BLK: variants seen among roughly 807,000 people sequenced by gnomAD.
BLK encodes tyrosine-protein kinase Blk.
BLK carries 64 observed loss-of-function variants against 61.8 expected under a neutral mutation model. The ratio of observed to expected loss-of-function variants is 1.03; its 90% CI spans 0.85 to 1.27. The LOEUF is 1.27. Ranked by LOEUF, BLK falls within the 50% of genes most tolerant of loss-of-function variation. The pLI is 0.00. For synonymous variants in BLK, 351 were observed against 272.0 expected, an observed-to-expected ratio of 1.29 and a Z score of -2.86; for missense variants, 853 against 660.5, an observed-to-expected ratio of 1.29 and a Z score of -3.19.
rs745828195 is a variant in BLK at position 11,564,401 on chromosome 8, G to T, written c.*293G>T. 1.6e-6 allele frequency: 1 copy of T among 642,150 alleles called. No homozygotes were observed. Among genetic ancestry groups the T allele is most frequent in the South Asian group, 1.5e-5 (1 of 66,258 alleles). 39.8% of individuals were successfully genotyped at this position (642,150 alleles called of 1,614,324 possible). A position where few individuals can be genotyped will look rare whatever the true frequency, so the allele number is the denominator to read the frequency against. On this transcript the variant is annotated 3_prime_UTR_variant, in exon 13 of 13. Transcript: ENST00000259089. ...CCAGTAAGGTGTTCAGGACTGGTAA[G>T]CGACTGTCATCAAGTAAGGCCCCCG...
Position 11,549,190 on chromosome 8 carries a change from G to C in BLK, c.368+68G>C, listed in dbSNP as rs576094284. On this transcript the variant is annotated intron_variant, in intron 5 of 12. Coordinates refer to ENST00000259089, the MANE Select transcript of BLK (RefSeq NM_001715.3). The stretch of plus-strand genomic sequence containing the variant: ...CTGTTTCTGCTCCCTGGGCTGTTAG[G>C]CAGGGCAGGGCCAGAGTGGGACTGA... 2.1e-6 allele frequency: 3 copies of C among 1,397,218 alleles called. No homozygotes were observed. The East Asian group carries it at 7.4e-5, about 34-fold the overall frequency. The allele number at this position is 1,397,218 out of a possible 1,614,324, so 86.6% of individuals were successfully genotyped here.
At chr8:11,536,281 A>G (rs916997539) in intron 1 of BLK, among the ~76,000 whole-genome samples, 4 of 152,258 alleles carry the variant, frequency 2.6e-5, no homozygotes, top group Non-Finnish European at 5.9e-5. Flanking sequence ...TCATTCATTT[A>G]GAGGAAATAA....
intron 1 of BLK, among the ~76,000 whole-genome samples, chr8:11,523,842 T>G (rs947012965): frequency 1.4e-5 from 2 of 147,202 alleles, no homozygotes; most frequent in Non-Finnish European, 3.0e-5. Context: ...CAGAGTTGTT[T>G]TTTTTTTTTT....
intron 3 of BLK, 89 bp downstream of exon 3, chr8:11,546,192 G>A: frequency 2.0e-6 from 3 of 1,466,314 alleles, no homozygotes; most frequent in Non-Finnish European, 2.9e-6. Flanking sequence ...TGAGTCAGGA[G>A]CAGCTTGAGG....
At chr8:11,514,095 A>C (rs1469455700) in intron 1 of BLK, among the ~76,000 whole-genome samples, 6 of 152,192 alleles carry the variant, frequency 3.9e-5, no homozygotes, top group Non-Finnish European at 7.3e-5. Flanking sequence ...ACAAGGAACC[A>C]TTCTGTTTTG....
intron 1 of BLK, among the ~76,000 whole-genome samples, chr8:11,537,481 A>G (rs1400614181): frequency 3.3e-5 from 5 of 152,192 alleles, no homozygotes; most frequent in Non-Finnish European, 7.3e-5. Context: ...CAGATACAAA[A>G]TAGCAAAACT....
In BLK at chr8:11,532,149, G is replaced by A. The variant is rs180783125; in HGVS notation, c.-1-11075G>A. Among the ~76,000 whole-genome samples the A allele has an allele frequency of 1.6e-3, 230 of 146,480 alleles. 1 individual carries two copies. The highest frequency in any genetic ancestry group is 2.5e-3 in the Non-Finnish European group (166 of 66,672). On this transcript the variant is annotated intron_variant, in intron 1 of 12. Coordinates refer to ENST00000259089, the MANE Select transcript of BLK (RefSeq NM_001715.3). ...GCTGGGATTACAGGCATGAGCCAAT[G>A]TACCTGGTCATGTTTTTTTTTCCTT...
intron 1 of BLK, among the ~76,000 whole-genome samples, chr8:11,508,891 G>T (rs1281904280): frequency 1.3e-5 from 2 of 152,198 alleles, no homozygotes; most frequent in Admixed American, 1.3e-4. Context: ...GCTCGAGGGA[G>T]GTGCCTGCCC....
At chr8:11,543,717 G>C (rs1800493624) in intron 2 of BLK, among the ~76,000 whole-genome samples, 1 of 152,188 alleles carries the variant, frequency 6.6e-6, no homozygotes, top group Non-Finnish European at 1.5e-5. Flanking sequence ...GCATTCCAAA[G>C]AGCCTGCTTT....
intron 1 of BLK, among the ~76,000 whole-genome samples, chr8:11,535,681 G>C (rs1453327975): frequency 6.6e-6 from 1 of 152,194 alleles, no homozygotes; most frequent in Admixed American, 6.5e-5. Context: ...GAATAGGGAT[G>C]CCTGAGCCTC....
At chr8:11,542,694 C>G (rs1238468647) in intron 1 of BLK, among the ~76,000 whole-genome samples, 1 of 152,194 alleles carries the variant, frequency 6.6e-6, no homozygotes, top group Non-Finnish European at 1.5e-5. Context: ...GCCTCGATGC[C>G]TGTGCTATCA....
At position 11,554,787 on chromosome 8, in the gene BLK, C is replaced by G. The variant is rs372898454; in HGVS notation, c.517C>G (p.Leu173Val). The G allele has an allele frequency of 3.1e-6, 5 of 1,613,896 alleles. No homozygotes were observed. The African/African-American group carries it at 6.7e-5, about 22-fold the overall frequency. The part of the protein sequence containing the change: ...SVKDVTTQGE[L>V]IKHYKIRCLD... Reference sequence around the variant, plus strand: ...GAAGGATGTCACCACCCAGGGGGAGCTGATCAAGCACTATAAGATCCGCTG... The same window carrying G: ...GAAGGATGTCACCACCCAGGGGGAGGTGATCAAGCACTATAAGATCCGCTG... The change falls in exon 7 of 13, where the codon CTG becomes GTG. Residue 173 changes from leucine to valine, a missense_variant. Transcript: ENST00000259089.
At chr8:11,559,669 C>T in intron 10 of BLK, 2 of 446,024 alleles carry the variant, frequency 4.5e-6, no homozygotes, top group South Asian at 3.2e-5. Context: ...CCACAGGAAC[C>T]CTGCAATCAC....
intron 1 of BLK, among the ~76,000 whole-genome samples, chr8:11,527,775 TAA>T (rs113320027): frequency 3.5e-4 from 48 of 139,026 alleles, no homozygotes; most frequent in African/African-American, 5.8e-4. Flanking sequence ...AGTCTGGGTG[TAA>T]AAAAAAAAAA....
At chr8:11,528,321 C>T (rs1394162530) in intron 1 of BLK, among the ~76,000 whole-genome samples, 2 of 152,304 alleles carry the variant, frequency 1.3e-5, no homozygotes, top group East Asian at 3.9e-4. Context: ...CAGGCATGAG[C>T]CACTGCACTT....
chr8:11,500,450 C>A (rs1034339649), intron 1 of BLK, among the ~76,000 whole-genome samples: 1 of 152,152 alleles, frequency 6.6e-6, no homozygotes, highest in Admixed American at 6.5e-5. Flanking sequence ...CCTGCCTTGG[C>A]CTCCCAAAGT....
chr8:11,513,437 G>C (rs1032358162), intron 1 of BLK, among the ~76,000 whole-genome samples: 1 of 152,196 alleles, frequency 6.6e-6, no homozygotes, highest in Non-Finnish European at 1.5e-5. Flanking sequence ...TAGGGCATGA[G>C]AGTGCCAGGG....
intron 1 of BLK, among the ~76,000 whole-genome samples, chr8:11,511,958 C>T (rs911578368): frequency 3.9e-5 from 6 of 152,052 alleles, no homozygotes; most frequent in South Asian, 2.1e-4. Context: ...CATTTTCTTA[C>T]GTTTGGGTTT....
intron 4 of BLK, among the ~76,000 whole-genome samples, chr8:11,548,709 T>C (rs1049253994): frequency 1.3e-5 from 2 of 152,196 alleles, no homozygotes; most frequent in African/African-American, 4.8e-5. Context: ...GCCAACCGTG[T>C]TTTTCTCAAG....
Sources: gnomAD v4.1 joint callset for allele counts (sites outside exome capture counted in the v4.1 genomes callset) on GRCh38, gnomAD v4.1.1 for gene constraint, MANE v1.5 for transcripts, NCBI Gene and HGNC (gene_info 2026-07-23, HGNC 2026-07-21) for gene names.